Variants in LRRC20 observed in about 807,000 individuals in gnomAD.
LRRC20 encodes the protein leucine rich repeat containing 20.
Under a neutral mutation model 14.4 loss-of-function variants are expected in LRRC20, and 11 were observed. The observed-to-expected ratio is 0.77, with a 90% CI of 0.48 to 1.27. The LOEUF is 1.27. Among genes scored for constraint, LRRC20 ranks in the 50% most tolerant of loss-of-function variants. The pLI is 0.00. For missense variants in LRRC20, 219 were observed against 251.2 expected, an observed-to-expected ratio of 0.87 and a Z score of 0.87; for synonymous variants, 121 against 107.3, an observed-to-expected ratio of 1.13 and a Z score of -0.79.
intron 2 of LRRC20, among the ~76,000 whole-genome samples, chr10:70,353,890 G>C (rs1420220675): frequency 6.6e-6 from 1 of 152,192 alleles, no homozygotes; most frequent in African/African-American, 2.4e-5. Flanking sequence ...ATTTACAATG[G>C]GTTCCCTGGG....
intron 2 of LRRC20, among the ~76,000 whole-genome samples, chr10:70,360,401 C>T (rs932420937): frequency 1.3e-5 from 2 of 151,460 alleles, no homozygotes; most frequent in Non-Finnish European, 3.0e-5. Context: ...CCCTCCTCCT[C>T]CTCCCCCTCC....
At chr10:70,320,617 G>A (rs1050846960) in intron 4 of LRRC20, among the ~76,000 whole-genome samples, 4 of 152,180 alleles carry the variant, frequency 2.6e-5, no homozygotes, top group African/African-American at 9.7e-5. Flanking sequence ...AGTACCTGCT[G>A]TATGCCACAC....
intron 3 of LRRC20, among the ~76,000 whole-genome samples, chr10:70,328,577 A>AT (rs1842414861): frequency 6.6e-6 from 1 of 152,218 alleles, no homozygotes; most frequent in East Asian, 1.9e-4. Context: ...GATTACAGGC[A>AT]TGAGCCACCA....
At chr10:70,347,728 A>T (rs1251415231) in intron 2 of LRRC20, among the ~76,000 whole-genome samples, 1 of 151,472 alleles carries the variant, frequency 6.6e-6, no homozygotes, top group Non-Finnish European at 1.5e-5. Flanking sequence ...CTGAGGTGGG[A>T]GAATTGCTTG....
chr10:70,308,397 C>T (rs993681661), intron 4 of LRRC20, among the ~76,000 whole-genome samples: 8 of 152,006 alleles, frequency 5.3e-5, no homozygotes, highest in African/African-American at 1.4e-4. Flanking sequence ...CAGGAGTCCC[C>T]GGGCCCCGTA....
chr10:70,340,430 T>G, intron 3 of LRRC20, 123 bp downstream of exon 3: 1 of 1,164,382 alleles, frequency 8.6e-7, no homozygotes, highest in Non-Finnish European at 1.2e-6. Context: ...AGTCAACCCA[T>G]GGGAATGATT....
At chr10:70,368,037 G>C (rs566735945) in intron 2 of LRRC20, among the ~76,000 whole-genome samples, 29 of 51,940 alleles carry the variant, frequency 5.6e-4, no homozygotes, top group Non-Finnish European at 1.0e-3. Flanking sequence ...AGGCTGGAGT[G>C]CAGTAGCACA....
chr10:70,331,907 G>A (rs1221302949), intron 3 of LRRC20, among the ~76,000 whole-genome samples: 1 of 152,096 alleles, frequency 6.6e-6, no homozygotes, highest in African/African-American at 2.4e-5. Context: ...TTGGACAATT[G>A]CCAAGGCTGA....
chr10:70,343,267 C>T (rs1165419093), intron 2 of LRRC20, among the ~76,000 whole-genome samples: 2 of 152,140 alleles, frequency 1.3e-5, no homozygotes, highest in African/African-American at 4.8e-5. Flanking sequence ...TGGGAAGACA[C>T]CCAGAGCATA....
chr10:70,319,689 A>G (rs560408694), intron 4 of LRRC20, among the ~76,000 whole-genome samples: 2 of 152,360 alleles, frequency 1.3e-5, no homozygotes, highest in South Asian at 4.1e-4. Flanking sequence ...CCTTCTTCAG[A>G]AATGACATTT....
chr10:70,316,678 G>A (rs1268674589), intron 4 of LRRC20, among the ~76,000 whole-genome samples: 3 of 152,242 alleles, frequency 2.0e-5, no homozygotes, highest in East Asian at 1.9e-4. Context: ...GTGTCTGGGG[G>A]CCATGCCTAA....
At chr10:70,345,562 A>C (rs1452247778) in intron 2 of LRRC20, among the ~76,000 whole-genome samples, 2 of 152,218 alleles carry the variant, frequency 1.3e-5, no homozygotes, top group Non-Finnish European at 2.9e-5. Context: ...CATCTTTATT[A>C]CTGAAACTAC....
At chr10:70,342,670 C>T (rs2137027467) in intron 2 of LRRC20, among the ~76,000 whole-genome samples, 1 of 152,312 alleles carries the variant, frequency 6.6e-6, no homozygotes, top group African/African-American at 2.4e-5. Context: ...CTAGAAGATA[C>T]TTAGCAGGAA....
chr10:70,340,572 G>A lies in LRRC20; in HGVS notation c.213C>T (p.Thr71=). 1 of 1,614,188 alleles carries A rather than the reference G, an allele frequency of 6.2e-7. No homozygotes were observed. Among genetic ancestry groups the A allele is most frequent in the Non-Finnish European group, 8.5e-7 (1 of 1,180,028 alleles). Residue 71 remains threonine (T), a synonymous_variant, in exon 3 of 5, where the codon ACC becomes ACT. Coordinates refer to ENST00000446961, the MANE Select transcript of LRRC20 (RefSeq NM_001278212.2). ...GCCTACCTCGGAGCTGACTGAATGT[G>A]GTCATGAACTTGCTGGTGAGGGACT... The part of the protein sequence containing the change: ...ELKSLTSKFM[T]TFSQLRELHL...
At chr10:70,314,759 C>G (rs1841795923) in intron 4 of LRRC20, among the ~76,000 whole-genome samples, 1 of 152,130 alleles carries the variant, frequency 6.6e-6, no homozygotes, top group African/African-American at 2.4e-5. Flanking sequence ...GGGTGCCACC[C>G]TCCCCTGACT....
At chr10:70,356,064 C>T (rs1482359966) in intron 2 of LRRC20, among the ~76,000 whole-genome samples, 1 of 152,216 alleles carries the variant, frequency 6.6e-6, no homozygotes, top group African/African-American at 2.4e-5. Context: ...AACTTCTAAC[C>T]ACACAAGAGA....
intron 4 of LRRC20, among the ~76,000 whole-genome samples, chr10:70,304,009 T>C (rs1841310018): frequency 6.6e-6 from 1 of 152,164 alleles, no homozygotes; most frequent in South Asian, 2.1e-4. Context: ...AATTTTATGT[T>C]ATGTGAATTT....
chr10:70,315,948 C>G (rs1285464313), intron 4 of LRRC20, among the ~76,000 whole-genome samples: 1 of 152,148 alleles, frequency 6.6e-6, no homozygotes, highest in African/African-American at 2.4e-5. Flanking sequence ...GTTACATACC[C>G]ATGTCCATAT....
At chr10:70,320,034 G>A (rs2136933421) in intron 4 of LRRC20, among the ~76,000 whole-genome samples, 1 of 152,278 alleles carries the variant, frequency 6.6e-6, no homozygotes, top group South Asian at 2.1e-4. Context: ...AGACTCAGGG[G>A]ATTTGGCCAC....
Sources: gnomAD v4.1 joint callset for allele counts (sites outside exome capture counted in the v4.1 genomes callset) on GRCh38, gnomAD v4.1.1 for gene constraint, MANE v1.5 for transcripts, NCBI Gene and HGNC (gene_info 2026-07-23, HGNC 2026-07-21) for gene names.